The following GDAP1 variants were observed in gnomAD, a reference collection of about 807,000 sequenced individuals.
The protein encoded by GDAP1 is ganglioside-induced differentiation-associated protein 1.
A neutral mutation model predicts 40.1 loss-of-function variants in GDAP1; 34 were observed. The observed-to-expected ratio is 0.85, with a 90% CI of 0.64 to 1.13. The LOEUF (loss-of-function observed/expected upper bound fraction) is 1.13. Ranked by LOEUF, GDAP1 falls within the 50% of genes most tolerant of loss-of-function variation. The pLI, the probability that GDAP1 is intolerant of heterozygous loss-of-function variation, is 0.00. For synonymous variants in GDAP1, 170 were observed against 157.4 expected (o/e 1.08, Z -0.60); for missense variants, 374 against 433.7 (o/e 0.86, Z 1.22).
intron 2 of GDAP1, among the ~76,000 whole-genome samples, chr8:74,444,898 C>T (rs1806209138): frequency 6.6e-6 from 1 of 152,118 alleles, no homozygotes; most frequent in South Asian, 2.1e-4. Context: ...CTATTATGCT[C>T]ACTGATTTAT....
At chr8:74,400,171 T>A (rs1209480007) in intron 2 of GDAP1, among the ~76,000 whole-genome samples, 2 of 149,688 alleles carry the variant, frequency 1.3e-5, no homozygotes, top group South Asian at 2.1e-4. Context: ...CCTATGATTA[T>A]TGTGTGGGAG....
chr8:74,432,683 A>C (rs931882243), intron 2 of GDAP1, among the ~76,000 whole-genome samples: 1 of 152,132 alleles, frequency 6.6e-6, no homozygotes, highest in Non-Finnish European at 1.5e-5. Context: ...TTCCCTGGCC[A>C]TTTAATAGAT....
chr8:74,441,960 G>T (rs1806167508), intron 2 of GDAP1, among the ~76,000 whole-genome samples: 2 of 152,156 alleles, frequency 1.3e-5, no homozygotes, highest in South Asian at 4.1e-4. Flanking sequence ...ACTGAAATAT[G>T]AAGTGGTAAA....
rs945496943 is a variant in GDAP1, at chr8:74,400,851, TC to T, written c.165+49531del. On this transcript the variant is annotated intron_variant, in intron 2 of 2. Transcript: ENST00000523640. ...GGATATGAAATTCTGGGTTGAAAAT[TC>T]TTTTCTTTAAGAATGTTGAATATTG... 8.0e-5 allele frequency among the ~76,000 whole-genome samples: 12 copies of T among 149,282 alleles called. 1 individual carries two copies. The highest frequency in any genetic ancestry group is 4.6e-4 in the Admixed American group (7 of 15,216).
At chr8:74,397,838 G>A (rs969428484) in intron 2 of GDAP1, among the ~76,000 whole-genome samples, 1 of 151,740 alleles carries the variant, frequency 6.6e-6, no homozygotes, top group Non-Finnish European at 1.5e-5. Context: ...TGGCGATGCG[G>A]GCTCTTTTTT....
intron 2 of GDAP1, among the ~76,000 whole-genome samples, chr8:74,378,987 T>C (rs1033195447): frequency 6.6e-5 from 10 of 152,096 alleles, no homozygotes; most frequent in African/African-American, 1.4e-4. Flanking sequence ...CCTTGGAGTA[T>C]TGTTTTGAAG....
rs181157785 is a variant in GDAP1, at chr8:74,363,052, A to C, written c.693A>C (p.Pro231=). Residue 231 remains proline, a splice_region_variant and synonymous_variant, in exon 5 of 6, where the codon CCA becomes CCC. Transcript: ENST00000220822. The part of the protein sequence containing the change: ...TELQRRNEET[P]EEGQQPWLCG... Reference sequence around the variant, plus strand: ...TGCAAAGAAGAAATGAAGAAACCCCAGGTAGGTTCTCATTTATATTCTTTC... The same window carrying C: ...TGCAAAGAAGAAATGAAGAAACCCCCGGTAGGTTCTCATTTATATTCTTTC... 4 of 1,312,646 alleles carry C rather than the reference A, an allele frequency of 3.0e-6. No homozygotes were observed. The highest frequency in any genetic ancestry group is 4.6e-5 in the East Asian group (2 of 43,488). 81.3% of individuals were successfully genotyped at this position (1,312,646 alleles called of 1,614,324 possible). A position where few individuals can be genotyped will look rare whatever the true frequency, so the allele number is the denominator to read the frequency against.
At chr8:74,439,880 G>A (rs1007436164) in intron 2 of GDAP1, among the ~76,000 whole-genome samples, 27 of 151,500 alleles carry the variant, frequency 1.8e-4, no homozygotes, top group African/African-American at 6.3e-4. Flanking sequence ...AGTAAATTTT[G>A]TATTCTTTTA....
At chr8:74,351,721 A>C (rs1002349829) in intron 2 of GDAP1, among the ~76,000 whole-genome samples, 1 of 152,214 alleles carries the variant, frequency 6.6e-6, no homozygotes, top group Non-Finnish European at 1.5e-5. Context: ...AAAAAAATTC[A>C]CTTGCAAAAA....
chr8:74,479,684 G>A (rs968835961), intron 2 of GDAP1, among the ~76,000 whole-genome samples: 3 of 152,076 alleles, frequency 2.0e-5, no homozygotes, highest in Non-Finnish European at 2.9e-5. Flanking sequence ...CTAGGTTCTC[G>A]CCTATGTGTG....
intron 2 of GDAP1, among the ~76,000 whole-genome samples, chr8:74,383,755 G>GT (rs1357907346): frequency 6.6e-6 from 1 of 152,104 alleles, no homozygotes; most frequent in African/African-American, 2.4e-5. Flanking sequence ...TAGTTTGCCA[G>GT]TTTATCAGGT....
At chr8:74,397,680 A>G (rs919776752) in intron 2 of GDAP1, among the ~76,000 whole-genome samples, 15 of 151,830 alleles carry the variant, frequency 9.9e-5, no homozygotes, top group Non-Finnish European at 2.1e-4. Flanking sequence ...ATGCGGCATT[A>G]TTTCTGAGGG....
chr8:74,435,723 A>G (rs117364487), intron 2 of GDAP1, among the ~76,000 whole-genome samples: 1 of 152,202 alleles, frequency 6.6e-6, no homozygotes, highest in South Asian at 2.1e-4. Flanking sequence ...TCACAAAGAG[A>G]TGTTTAGAAG....
intron 2 of GDAP1, 104 bp from the exon 3 acceptor site, chr8:74,360,033 A>G (rs1239130154): frequency 2.5e-5 from 20 of 804,798 alleles, no homozygotes; most frequent in Non-Finnish European, 3.9e-5. Flanking sequence ...ATATACAGAT[A>G]TGTTGAAAAT....
intron 2 of GDAP1, among the ~76,000 whole-genome samples, chr8:74,426,279 T>C (rs1258117603): frequency 1.3e-5 from 2 of 152,208 alleles, no homozygotes; most frequent in South Asian, 2.1e-4. Context: ...AATGGAGAAA[T>C]TATCATTCAT....
intron 2 of GDAP1, among the ~76,000 whole-genome samples, chr8:74,446,847 G>A (rs1403054638): frequency 5.3e-5 from 8 of 152,064 alleles, no homozygotes; most frequent in Non-Finnish European, 1.2e-4. Context: ...TATGACATGC[G>A]CAGAATAGGC....
At chr8:74,350,604 G>A in intron 1 of GDAP1, 26 bp downstream of exon 1, 1 of 1,416,058 alleles carries the variant, frequency 7.1e-7, no homozygotes, top group Non-Finnish European at 1.0e-6. Context: ...GCGGCGGAGG[G>A]TGGCGCGGAT....
chr8:74,485,130 A>G (rs1451852852), intron 2 of GDAP1, among the ~76,000 whole-genome samples: 1 of 152,136 alleles, frequency 6.6e-6, no homozygotes, highest in Non-Finnish European at 1.5e-5. Context: ...TTTGGGTTCC[A>G]CAGCTTAAAA....
At chr8:74,472,046 AC>A (rs1475530312) in intron 2 of GDAP1, among the ~76,000 whole-genome samples, 1 of 152,142 alleles carries the variant, frequency 6.6e-6, no homozygotes, top group Non-Finnish European at 1.5e-5. Flanking sequence ...GTCACCAGGT[AC>A]TAAGCCTAGT....
Sources: allele counts gnomAD v4.1 joint callset (sites outside exome capture counted in the v4.1 genomes callset), GRCh38; gene constraint gnomAD v4.1.1; transcripts MANE v1.5; gene names NCBI Gene and HGNC (gene_info 2026-07-23, HGNC 2026-07-21).